COMMD10: variants seen among roughly 807,000 people sequenced by gnomAD.
COMMD10 encodes COMM domain-containing protein 10.
A neutral mutation model predicts 28.9 loss-of-function variants in COMMD10; 33 were observed. The observed-to-expected ratio is 1.14, with a 90% CI of 0.87 to 1.53. COMMD10 has a LOEUF of 1.53. Ranked by LOEUF, COMMD10 falls within the 40% of genes most tolerant of loss-of-function variation. The probability of loss-of-function intolerance (pLI) is 0.00; values close to 1 mark genes in which losing one functional copy is unlikely to be tolerated. For synonymous variants in COMMD10, 110 were observed against 81.7 expected (o/e 1.35, Z -1.87); for missense variants, 310 against 233.4 (o/e 1.33, Z -2.14).
At chr5:116,227,469 G>GA (rs1350950638) in intron 5 of COMMD10, among the ~76,000 whole-genome samples, 7 of 151,722 alleles carry the variant, frequency 4.6e-5, no homozygotes, top group Non-Finnish European at 7.4e-5. Flanking sequence ...AATATGACCT[G>GA]AAAAAAATGT....
intron 5 of COMMD10, among the ~76,000 whole-genome samples, chr5:116,247,520 G>A (rs10061394): frequency 2.6e-5 from 4 of 151,946 alleles, no homozygotes; most frequent in African/African-American, 9.7e-5. Context: ...AGACACATAC[G>A]TATGTTCATT....
intron 2 of COMMD10, 43 bp from the exon 3 acceptor site, chr5:116,091,036 C>T (rs373107795): frequency 1.1e-5 from 13 of 1,176,908 alleles, no homozygotes; most frequent in South Asian, 2.9e-5. Flanking sequence ...ATTTTGAATG[C>T]CTGAATATGT....
chr5:116,085,252 C>A, intron 1 of COMMD10, 159 bp downstream of exon 1: 1 of 681,688 alleles, frequency 1.5e-6, no homozygotes, highest in South Asian at 1.8e-5. Flanking sequence ...GCTGCGTCTG[C>A]GGAGTGCGTG....
At chr5:116,245,862 A>G (rs767426700) in intron 5 of COMMD10, among the ~76,000 whole-genome samples, 3 of 152,112 alleles carry the variant, frequency 2.0e-5, no homozygotes, top group Non-Finnish European at 4.4e-5. Flanking sequence ...TCTATGACAA[A>G]CCCACAGCCA....
At chr5:116,159,158 A>T (rs891934714) in intron 5 of COMMD10, among the ~76,000 whole-genome samples, 4 of 152,194 alleles carry the variant, frequency 2.6e-5, no homozygotes, top group African/African-American at 9.7e-5. Flanking sequence ...TATATTTTAC[A>T]GGCTTTCCTT....
At position 116,092,548 on chromosome 5, in the gene COMMD10, G is replaced by C; in HGVS notation, c.247G>C (p.Val83Leu). The C allele has an allele frequency of 6.3e-7, 1 of 1,587,076 alleles. No homozygotes were observed. The highest frequency in any genetic ancestry group is 8.6e-7 in the Non-Finnish European group (1 of 1,166,650). Residue 83 changes from valine to leucine, a missense_variant, in exon 4 of 7, where the codon GTG (valine) becomes CTG (leucine). By Grantham distance (32) the Val-to-Leu change is conservative. Coordinates refer to ENST00000274458, the MANE Select transcript of COMMD10 (RefSeq NM_016144.4). ...ATTTTTTGTTTCTTTTTAATAGGCA[G>C]TGTATCACAATGTGAAGCCAGCAGC... ...ETISFILEQA[V>L]YHNVKPAALQ...
chr5:116,180,099 C>G (rs539427140), intron 5 of COMMD10, among the ~76,000 whole-genome samples: 260 of 152,140 alleles, frequency 1.7e-3, no homozygotes, highest in African/African-American at 5.9e-3. Context: ...TGAGAGCTTT[C>G]CATATCTTTG....
intron 5 of COMMD10, among the ~76,000 whole-genome samples, chr5:116,176,524 A>G (rs936627010): frequency 2.6e-5 from 4 of 152,056 alleles, no homozygotes; most frequent in East Asian, 1.9e-4. Context: ...TTAATTTTGT[A>G]TGTCTTCATT....
At chr5:116,094,709 A>G (rs1408732312) in intron 4 of COMMD10, among the ~76,000 whole-genome samples, 2 of 152,216 alleles carry the variant, frequency 1.3e-5, no homozygotes. Context: ...TATTAAAGAA[A>G]TATTTGTACC....
At position 116,151,848 on chromosome 5, in the gene COMMD10, G is replaced by C. The variant is rs574927081; in HGVS notation, c.510+17670G>C. Among the ~76,000 whole-genome samples, 8 of 151,768 alleles carry C rather than the reference G, an allele frequency of 5.3e-5. No individual in the cohort carries two copies. The South Asian group carries it at 6.2e-4, about 12-fold the overall frequency. ...ATTTTTTGAAGGGTTTTTTGTGTCT[G>C]TATTTCCTTCAGTTCTGCTCTGATT... On this transcript the variant is annotated intron_variant, in intron 5 of 6. Transcript: ENST00000274458.
At position 116,134,120 on chromosome 5, in the gene COMMD10, C is replaced by A. The variant is rs762191409; in HGVS notation, c.452C>A (p.Ala151Glu). The stretch of plus-strand genomic sequence containing the variant: ...CTTCAGATGGCTCACTCTGCTCAAG[C>A]AAAACTAAAATCTCCTCAAGCTGTG... ...LNLQMAHSAQAKLKSPQAVLQ... is the reference protein window; with the variant it reads ...LNLQMAHSAQEKLKSPQAVLQ... Residue 151 changes from alanine to glutamate, a missense_variant, in exon 5 of 7, where the codon GCA becomes GAA. Ala to Glu is a moderately radical substitution (Grantham distance 107). Transcript: ENST00000274458. 2.5e-6 allele frequency: 4 copies of A among 1,612,730 alleles called. No individual in the cohort carries two copies. The highest frequency in any genetic ancestry group is 2.5e-6 in the Non-Finnish European group (3 of 1,178,854).
At chr5:116,100,454 C>T (rs1198271837) in intron 4 of COMMD10, among the ~76,000 whole-genome samples, 2 of 149,804 alleles carry the variant, frequency 1.3e-5, no homozygotes, top group African/African-American at 4.9e-5. Context: ...TCAGATCTTT[C>T]ATTTAAGTCT....
chr5:116,132,690 T>G (rs1347449123), intron 4 of COMMD10, among the ~76,000 whole-genome samples: 1 of 152,152 alleles, frequency 6.6e-6, no homozygotes, highest in Non-Finnish European at 1.5e-5. Flanking sequence ...TATATGAGAA[T>G]GGTTATGACA....
At position 116,222,848 on chromosome 5, in the gene COMMD10, C is replaced by T. The variant is rs147112498; in HGVS notation, c.511-68669C>T. 4.4e-3 allele frequency among the ~76,000 whole-genome samples: 667 copies of T among 152,110 alleles called. 30 individuals are homozygous for T. The East Asian group carries it at 0.11, about 25-fold the overall frequency. The stretch of plus-strand genomic sequence containing the variant: ...CTGGGACTACAGTTACATGCCACCA[C>T]GCCTGGCTAATTTTTTGTATTTTTG... On this transcript the variant is annotated intron_variant, in intron 5 of 6. Transcript: ENST00000274458.
At chr5:116,228,444 TACC>T (rs947093552) in intron 5 of COMMD10, among the ~76,000 whole-genome samples, 1 of 152,100 alleles carries the variant, frequency 6.6e-6, no homozygotes, top group African/African-American at 2.4e-5. Flanking sequence ...TTAAAGAAAG[TACC>T]ACATTTATCA....
chr5:116,238,233 A>G (rs1315253478), intron 5 of COMMD10, among the ~76,000 whole-genome samples: 1 of 152,216 alleles, frequency 6.6e-6, no homozygotes, highest in Non-Finnish European at 1.5e-5. Context: ...TAATAAAACT[A>G]TCAGTAAATT....
chr5:116,221,719 T>G (rs144137730), intron 5 of COMMD10, among the ~76,000 whole-genome samples: 1 of 152,320 alleles, frequency 6.6e-6, no homozygotes, highest in East Asian at 1.9e-4. Flanking sequence ...TTTTGAAAGG[T>G]GCAGGATAGC....
At chr5:116,107,350 A>G (rs189198103) in intron 4 of COMMD10, among the ~76,000 whole-genome samples, 18 of 152,110 alleles carry the variant, frequency 1.2e-4, no homozygotes, top group Admixed American at 9.8e-4. Flanking sequence ...ACATAGTCCC[A>G]TATTTCTTGG....
chr5:116,101,861 A>C (rs573590673), intron 4 of COMMD10, among the ~76,000 whole-genome samples: 1 of 152,246 alleles, frequency 6.6e-6, no homozygotes, highest in African/African-American at 2.4e-5. Context: ...CTTTTGAAAA[A>C]TGTCTATTCA....
Sources: allele counts gnomAD v4.1 joint callset (sites outside exome capture counted in the v4.1 genomes callset), GRCh38; gene constraint gnomAD v4.1.1; transcripts MANE v1.5; gene names NCBI Gene and HGNC (gene_info 2026-07-23, HGNC 2026-07-21).